FAM83G: variants seen among roughly 807,000 people sequenced by gnomAD.
FAM83G encodes the protein protein FAM83G.
In FAM83G, 38 loss-of-function variants were observed where a neutral mutation model predicts 61.5. That is an observed-to-expected ratio of 0.62 (90% CI 0.48 to 0.81). FAM83G has a LOEUF of 0.81. Ranked by LOEUF, FAM83G falls within the 30% of genes least tolerant of loss-of-function variation. The pLI is 0.00. For missense variants in FAM83G, 989 were observed against 1,133.6 expected, an observed-to-expected ratio of 0.87 and a Z score of 1.83; for synonymous variants, 470 against 476.1, an observed-to-expected ratio of 0.99 and a Z score of 0.17.
In FAM83G at chr17:19,003,673, C is replaced by A; in HGVS notation, c.369G>T (p.Lys123Asn). Reference sequence around the variant, plus strand: ...CCAGCTGCGGGATGGAGCGGTCCGACTTCTGGGGCCAGTACTCCAGGGAGG... The same window carrying A: ...CCAGCTGCGGGATGGAGCGGTCCGAATTCTGGGGCCAGTACTCCAGGGAGG... The part of the protein sequence containing the change: ...PLPSLEYWPQ[K>N]SDRSIPQLDL... Residue 123 changes from lysine to asparagine, a missense_variant, in exon 2 of 6, where the codon AAG becomes AAT. Lys to Asn is a moderately conservative substitution (Grantham distance 94). This residue lies in a region of FAM83G where 371 missense variants were observed against 404.5 expected (regional missense o/e 0.92). Transcript: ENST00000388995. This position sits in a 1 kb window ranked among gnomAD's most constrained non-coding sequence, Gnocchi z 4.5. 1 of 1,611,502 alleles carries A rather than the reference C, an allele frequency of 6.2e-7. No homozygotes were observed. Among genetic ancestry groups the A allele is most frequent in the Non-Finnish European group, 8.5e-7 (1 of 1,179,196 alleles).
At chr17:18,981,272 G>A (rs973881118) in intron 3 of FAM83G, among the ~76,000 whole-genome samples, 24 of 152,078 alleles carry the variant, frequency 1.6e-4, no homozygotes, top group Non-Finnish European at 2.8e-4. Context: ...CCAGGGAAGG[G>A]ACTCAAAGAC....
rs2043830680 is a variant in FAM83G at position 19,004,651 on chromosome 17, G to C, written c.-129+58C>G. 1 of 151,786 alleles carries C rather than the reference G, an allele frequency of 6.6e-6. No individual in the cohort carries two copies. Among genetic ancestry groups the C allele is most frequent in the Non-Finnish European group, 1.5e-5 (1 of 67,872 alleles). 9.4% of individuals were successfully genotyped at this position (151,786 alleles called of 1,614,324 possible). A position where few individuals can be genotyped will look rare whatever the true frequency, so the allele number is the denominator to read the frequency against. ...CCAGGAGACCCAGAAACGCGGTTGC[G>C]GGGCGGCGACGCCCCGCGAGACCCG... On this transcript the variant is annotated intron_variant, in intron 1 of 5. Coordinates refer to ENST00000388995, the MANE Select transcript of FAM83G (RefSeq NM_001039999.3). The surrounding 1 kb of genome is among the most constrained non-coding windows in gnomAD (Gnocchi z 5.4).
In FAM83G at chr17:18,978,171, C is replaced by G. The variant is rs1307599617; in HGVS notation, c.1495G>C (p.Glu499Gln). Residue 499 changes from glutamate to glutamine, a missense_variant, in exon 5 of 6, where the codon GAG (glutamate) becomes CAG (glutamine). Transcript: ENST00000388995. ...GGCTTGGGCACGGGGGGCAATGGCTCAGGGTCCCCCTGGGGGAGGCCGTTC... is the reference window on the plus strand; with the variant it reads ...GGCTTGGGCACGGGGGGCAATGGCTGAGGGTCCCCCTGGGGGAGGCCGTTC... Reference protein sequence around the residue: ...AENGLPQGDPEPLPPVPKPRT... With the variant: ...AENGLPQGDPQPLPPVPKPRT... 2.6e-6 allele frequency: 4 copies of G among 1,537,834 alleles called. No homozygotes were observed. Among genetic ancestry groups the G allele is most frequent in the African/African-American group, 1.4e-5 (1 of 72,980 alleles).
At chr17:18,994,383 G>A (rs1400826137) in intron 2 of FAM83G, among the ~76,000 whole-genome samples, 1 of 152,182 alleles carries the variant, frequency 6.6e-6, no homozygotes, top group African/African-American at 2.4e-5. Context: ...AGGAGACAGG[G>A]TTCACTCTGA....
At chr17:18,983,683 G>A (rs1256176431) in intron 3 of FAM83G, among the ~76,000 whole-genome samples, 2 of 152,190 alleles carry the variant, frequency 1.3e-5, no homozygotes, top group Non-Finnish European at 2.9e-5. Flanking sequence ...TCCTCTACAG[G>A]GCCTGTCTCG....
Position 18,977,161 on chromosome 17 carries a change from G to T in FAM83G, c.2082+423C>A, listed in dbSNP as rs571710749. ...CACAATCAAAGGGATTAACATGGAT[G>T]TGGCTTGGCACAAGGTCTGGACAGG... is the stretch of plus-strand genomic sequence containing the variant. On this transcript the variant is annotated intron_variant, in intron 5 of 5. Transcript: ENST00000388995. 16 of 886,374 alleles carry T rather than the reference G, an allele frequency of 1.8e-5. No homozygotes were observed. The South Asian group carries it at 2.4e-4, about 13-fold the overall frequency. The allele number at this position is 886,374 out of a possible 1,614,324, so 54.9% of individuals were successfully genotyped here.
chr17:18,975,585 T>A (rs751999863), intron 5 of FAM83G: 2 of 152,086 alleles, frequency 1.3e-5, no homozygotes, highest in Non-Finnish European at 2.9e-5. Context: ...TCCCAGCTAC[T>A]TGGGAGGCTG....
intron 2 of FAM83G, among the ~76,000 whole-genome samples, chr17:18,989,902 A>C (rs9916099): frequency 0.24 from 36,718 of 151,984 alleles, 6,289 homozygotes; most frequent in African/African-American, 0.48. Flanking sequence ...GGTCTCCAGT[A>C]CCTTCTCTTG....
rs2043042104 is a variant in FAM83G, at chr17:18,978,447, T to C, written c.1219A>G (p.Met407Val). 1.9e-6 allele frequency: 3 copies of C among 1,604,750 alleles called. No homozygotes were observed. Among genetic ancestry groups the C allele is most frequent in the African/African-American group, 1.3e-5 (1 of 74,764 alleles). ...ACCCACGTGGGCAGGTACTCAAACATGTTGGCCCTCTCCAGGTGAAGCAGT... is the reference window on the plus strand; with the variant it reads ...ACCCACGTGGGCAGGTACTCAAACACGTTGGCCCTCTCCAGGTGAAGCAGT... ...PGLLHLERAN[M>V]FEYLPTWVEP... The change falls in exon 5 of 6, where the codon ATG (methionine) becomes GTG (valine). Residue 407 changes from methionine to valine, a missense_variant. By Grantham distance (21) the Met-to-Val change is conservative (BLOSUM62 1). This residue lies in a region of FAM83G where 574 missense variants were observed against 645.1 expected (regional missense o/e 0.89). Transcript: ENST00000388995.
At chr17:18,978,917 C>T in intron 4 of FAM83G, 67 bp from the exon 5 acceptor site, 1 of 1,559,600 alleles carries the variant, frequency 6.4e-7, no homozygotes, top group Non-Finnish European at 8.7e-7. Context: ...CCCCCGTGCA[C>T]CCATAGCCGC....
chr17:18,993,652 C>A (rs112509706), intron 2 of FAM83G, among the ~76,000 whole-genome samples: 7 of 152,334 alleles, frequency 4.6e-5, no homozygotes, highest in African/African-American at 1.4e-4. Flanking sequence ...GCAGACAAGT[C>A]CCTAGGCCTC....
In FAM83G at chr17:18,969,381, C is replaced by T. The variant is rs575641156; in HGVS notation, c.*1978G>A. On this transcript the variant is annotated 3_prime_UTR_variant, in exon 6 of 6. Transcript: ENST00000388995. ...GTAATCTACACGGACGCCCTGCAGA[C>T]GCTCATCATGGTGGTGGGGGCTGTC... is the stretch of plus-strand genomic sequence containing the variant. 37 of 1,613,770 alleles carry T rather than the reference C, an allele frequency of 2.3e-5. No homozygotes were observed. The highest frequency in any genetic ancestry group is 1.3e-4 in the East Asian group (6 of 44,888).
At chr17:18,994,071 C>T (rs1161358108) in intron 2 of FAM83G, among the ~76,000 whole-genome samples, 1 of 152,200 alleles carries the variant, frequency 6.6e-6, no homozygotes, top group Non-Finnish European at 1.5e-5. Context: ...GTAAGTGACG[C>T]ATCAGGGCTG....
At chr17:19,001,131 G>T (rs2043719693) in intron 2 of FAM83G, among the ~76,000 whole-genome samples, 1 of 152,204 alleles carries the variant, frequency 6.6e-6, no homozygotes, top group African/African-American at 2.4e-5. Flanking sequence ...CACTAGCTGA[G>T]ATTATAAAGC....
rs1297045015 is a variant in FAM83G at position 19,003,736 on chromosome 17, G to T, written c.306C>A (p.Ser102Arg). Residue 102 changes from serine (S) to arginine (R), a missense_variant, in exon 2 of 6, where the codon AGC (serine) becomes AGA (arginine). Around this residue, in one of 3 missense-constraint regions of FAM83G, gnomAD observed 371 missense variants for 404.5 expected, o/e 0.92. Coordinates refer to ENST00000388995, the MANE Select transcript of FAM83G (RefSeq NM_001039999.3). The surrounding 1 kb of genome is among the most constrained non-coding windows in gnomAD (Gnocchi z 4.5). ...DNGVGDGEEA[S>R]GADGVPIEAE... ...CCTCGATGGGGACCCCATCCGCCCC[G>T]CTGGCTTCCTCGCCGTCGCCGACCC... The T allele has an allele frequency of 6.2e-7, 1 of 1,604,544 alleles. No individual in the cohort carries two copies. Among genetic ancestry groups the T allele is most frequent in the South Asian group, 1.1e-5 (1 of 90,504 alleles).
intron 3 of FAM83G, among the ~76,000 whole-genome samples, chr17:18,985,777 C>T (rs529170466): frequency 2.0e-5 from 3 of 152,280 alleles, no homozygotes; most frequent in South Asian, 2.1e-4. Flanking sequence ...CCTGGGGAAG[C>T]GAGGCGGCTG....
In FAM83G at chr17:19,003,697, G is replaced by C; in HGVS notation, c.345C>G (p.Pro115=). The C allele has an allele frequency of 6.2e-7, 1 of 1,607,884 alleles. No individual in the cohort carries two copies. The highest frequency in any genetic ancestry group is 1.1e-5 in the South Asian group (1 of 90,630). The change falls in exon 2 of 6, where the codon CCC becomes CCG. Residue 115 remains proline, a synonymous_variant. Transcript: ENST00000388995. This position sits in a 1 kb window ranked among gnomAD's most constrained non-coding sequence, Gnocchi z 4.5. ...DGVPIEAEPL[P]SLEYWPQKSD... ...ACTTCTGGGGCCAGTACTCCAGGGA[G>C]GGCAGCGGCTCGGCCTCGATGGGGA...
rs768110375 is a variant in FAM83G at position 18,969,023 on chromosome 17, G to A, written c.*2336C>T. Reference sequence around the variant, plus strand: ...GCTTGCTGGAGCCCTGGGAATAACAGTCCCACACAAGGCTCTCTCCCTCCG... The same window carrying A: ...GCTTGCTGGAGCCCTGGGAATAACAATCCCACACAAGGCTCTCTCCCTCCG... On this transcript the variant is annotated 3_prime_UTR_variant, in exon 6 of 6. Coordinates refer to ENST00000388995, the MANE Select transcript of FAM83G (RefSeq NM_001039999.3). The A allele has an allele frequency of 2.4e-5, 39 of 1,595,312 alleles. No individual in the cohort carries two copies. Among genetic ancestry groups the A allele is most frequent in the Non-Finnish European group, 3.2e-5 (37 of 1,170,680 alleles).
chr17:18,998,393 C>T (rs1387525097), intron 2 of FAM83G, among the ~76,000 whole-genome samples: 1 of 152,246 alleles, frequency 6.6e-6, no homozygotes, highest in Non-Finnish European at 1.5e-5. Flanking sequence ...GGGGCCAGGA[C>T]CCTCAGCTGC....
Sources: gnomAD v4.1 joint callset for allele counts (sites outside exome capture counted in the v4.1 genomes callset) on GRCh38, gnomAD v4.1.1 for gene constraint, gnomAD v4.1.1 regional missense constraint, Gnocchi (gnomAD v3.1) non-coding constraint, MANE v1.5 for transcripts, NCBI Gene and HGNC (gene_info 2026-07-23, HGNC 2026-07-21) for gene names.